Variants in TCF20 observed in about 807,000 individuals in gnomAD.
TCF20 encodes the protein SPRE-binding protein.
TCF20 carries 3 observed loss-of-function variants against 148.6 expected under a neutral mutation model. The ratio of observed to expected loss-of-function variants is 0.02; its 90% CI spans 0.01 to 0.05. TCF20 has a LOEUF of 0.05. Among genes scored for constraint, TCF20 ranks in the 10% least tolerant of loss-of-function variants. The pLI is 1.00. For synonymous variants in TCF20, 1,049 were observed against 909.5 expected, an observed-to-expected ratio of 1.15 and a Z score of -2.76; for missense variants, 2,350 against 2,429.3, an observed-to-expected ratio of 0.97 and a Z score of 0.69.
chr22:42,202,118 A>AT (rs1243437935), intron 2 of TCF20, among the ~76,000 whole-genome samples: 6 of 152,350 alleles, frequency 3.9e-5, no homozygotes, highest in Admixed American at 3.3e-4. Context: ...TTTCAAAGAG[A>AT]TTAAGTTCTG....
At chr22:42,163,543 A>G (rs1935591333) in intron 5 of TCF20, among the ~76,000 whole-genome samples, 1 of 152,260 alleles carries the variant, frequency 6.6e-6, no homozygotes, top group South Asian at 2.1e-4. Flanking sequence ...ATTATATCAC[A>G]GTAACGTGGA....
rs141303229 is a variant in TCF20, at chr22:42,243,420, C to T, written c.-37+26919G>A. Among the ~76,000 whole-genome samples, 801 of 150,132 alleles carry T rather than the reference C, an allele frequency of 5.3e-3. 11 individuals carry two copies. The highest frequency in any genetic ancestry group is 0.019 in the African/African-American group (768 of 40,892). On this transcript the variant is annotated intron_variant, in intron 1 of 5. Transcript: ENST00000677622. ...AAATTTGAGACCAGCCTGGCCAACACGGTGAAACCCTGTCTCTACTAAAAA... is the reference window on the plus strand; with the variant it reads ...AAATTTGAGACCAGCCTGGCCAACATGGTGAAACCCTGTCTCTACTAAAAA...
chr22:42,311,617 A>T (rs558766201), intron 1 of TCF20, among the ~76,000 whole-genome samples: 2 of 152,310 alleles, frequency 1.3e-5, no homozygotes, highest in African/African-American at 4.8e-5. Context: ...GACGGGAATC[A>T]TGCAGACCCC....
At chr22:42,204,614 G>A (rs1383480651) in intron 2 of TCF20, among the ~76,000 whole-genome samples, 1 of 152,212 alleles carries the variant, frequency 6.6e-6, no homozygotes, top group Non-Finnish European at 1.5e-5. Flanking sequence ...GGTGGCTGAG[G>A]CAGGTGGATC....
rs151127678 is a variant in TCF20 at position 42,171,671 on chromosome 22, G to A, written c.5750-1775C>T. On this transcript the variant is annotated intron_variant, in intron 3 of 5. Transcript: ENST00000677622. ...AGTACATAGTGTGACCAAGACTCCCGCTGCTCCAATCTGCCAGAGAGTTTA... is the reference window on the plus strand; with the variant it reads ...AGTACATAGTGTGACCAAGACTCCCACTGCTCCAATCTGCCAGAGAGTTTA... Among the ~76,000 whole-genome samples the A allele has an allele frequency of 2.0e-3, 297 of 152,296 alleles. 3 individuals carry two copies. The highest frequency in any genetic ancestry group is 3.4e-3 in the Middle Eastern group (1 of 294).
chr22:42,327,053 C>A (rs947297678), intron 1 of TCF20, among the ~76,000 whole-genome samples: 1 of 152,202 alleles, frequency 6.6e-6, no homozygotes, highest in East Asian at 1.9e-4. Context: ...GTGTGCCAGG[C>A]ACTTCTCCAA....
At chr22:42,303,076 C>T (rs1414095976) in intron 1 of TCF20, among the ~76,000 whole-genome samples, 1 of 152,236 alleles carries the variant, frequency 6.6e-6, no homozygotes, top group African/African-American at 2.4e-5. Context: ...ATTACGGGTG[C>T]CCAACACAAC....
intron 1 of TCF20, among the ~76,000 whole-genome samples, chr22:42,325,003 G>A (rs1239918652): frequency 6.6e-6 from 1 of 152,252 alleles, no homozygotes; most frequent in African/African-American, 2.4e-5. Flanking sequence ...TGGTGCCTGA[G>A]AGTGCAGACC....
intron 2 of TCF20, among the ~76,000 whole-genome samples, chr22:42,197,669 A>AC (rs1937672993): frequency 6.6e-6 from 1 of 152,186 alleles, no homozygotes; most frequent in Non-Finnish European, 1.5e-5. Context: ...ATTTAGGGGC[A>AC]CCCCTGAAGA....
At chr22:42,223,364 T>G (rs1468097574) in intron 1 of TCF20, among the ~76,000 whole-genome samples, 1 of 152,176 alleles carries the variant, frequency 6.6e-6, no homozygotes, top group Non-Finnish European at 1.5e-5. Flanking sequence ...ACCCTTTCTT[T>G]CACTGTACCA....
intron 1 of TCF20, among the ~76,000 whole-genome samples, chr22:42,326,786 C>T (rs577355611): frequency 1.3e-5 from 2 of 152,368 alleles, no homozygotes; most frequent in South Asian, 4.1e-4. Context: ...ACCAGAGCAG[C>T]ATCAACCTTG....
intron 1 of TCF20, among the ~76,000 whole-genome samples, chr22:42,330,913 G>C (rs1405085174): frequency 6.6e-6 from 1 of 152,174 alleles, no homozygotes; most frequent in Non-Finnish European, 1.5e-5. Flanking sequence ...CTGGTCTAAG[G>C]CTCTGCCAAG....
In TCF20 at chr22:42,184,417, T is replaced by C. The variant is rs772846704; in HGVS notation, c.5656-4715A>G. ...GCCAAAGATAGAATATAAATACTTA[T>C]CTATAGTATCTTCCATGTGTAAGGT... On this transcript the variant is annotated intron_variant, in intron 2 of 5. Transcript: ENST00000677622. Among the ~76,000 whole-genome samples, 8 of 152,192 alleles carry C rather than the reference T, an allele frequency of 5.3e-5. No individual in the cohort carries two copies. In the East Asian group the frequency reaches 1.2e-3, roughly 22 times the overall value.
rs58249230 is a variant in TCF20, at chr22:42,247,439, C to CAA, written c.-37+22898_-37+22899dup. Among the ~76,000 whole-genome samples the CAA allele has an allele frequency of 8.0e-3, 702 of 87,218 alleles. 14 individuals carry two copies. In the East Asian group the frequency reaches 0.11, roughly 13 times the overall value. 57.2% of individuals were successfully genotyped at this position (87,218 alleles called of 152,430 possible). On this transcript the variant is annotated intron_variant, in intron 1 of 5. Coordinates refer to ENST00000677622, the MANE Select transcript of TCF20 (RefSeq NM_001378418.1). ...TGGGTGATAGAGCGAGACTCCATCT[C>CAA]AAAAAAAAAAAAAAAAAAGATAAGA...
At chr22:42,183,599 C>A (rs1327350133) in intron 2 of TCF20, among the ~76,000 whole-genome samples, 1 of 152,128 alleles carries the variant, frequency 6.6e-6, no homozygotes, top group East Asian at 1.9e-4. Flanking sequence ...TTTTCCAAAG[C>A]CCAGCCCACA....
Position 42,212,602 on chromosome 22 carries a change from G to T in TCF20, c.2704C>A (p.Pro902Thr). 1.9e-6 allele frequency: 3 copies of T among 1,614,190 alleles called. No individual in the cohort carries two copies. The South Asian group carries it at 3.3e-5, about 18-fold the overall frequency. ...TRIGRNDRLN[P>T]TLSQSVILPG... is the part of the protein sequence containing the mutation. Reference sequence around the variant, plus strand: ...AGAATGACCGACTGACTTAAAGTTGGATTGAGACGGTCATTCCTCCCAATT... The same window carrying T: ...AGAATGACCGACTGACTTAAAGTTGTATTGAGACGGTCATTCCTCCCAATT... Residue 902 changes from proline (P) to threonine (T), a missense_variant, in exon 2 of 6, where the codon CCA (proline) becomes ACA (threonine). Around this residue, in one of 7 missense-constraint regions of TCF20, gnomAD observed 1,641 missense variants for 1,662.6 expected, o/e 0.99. Transcript: ENST00000677622.
At chr22:42,241,763 G>A (rs1329743691) in intron 1 of TCF20, among the ~76,000 whole-genome samples, 2 of 152,048 alleles carry the variant, frequency 1.3e-5, no homozygotes, top group Non-Finnish European at 2.9e-5. Context: ...GGAGGCAGAG[G>A]GTGCAGTGAG....
upstream of TCF20, chr22:42,274,670 T>A (rs1926732655): frequency 6.6e-6 from 1 of 152,208 alleles, no homozygotes; most frequent in African/African-American, 2.4e-5. Context: ...CCACAGAAAC[T>A]TCTGCTCTCC....
At chr22:42,235,565 A>C (rs1319144866) in intron 1 of TCF20, among the ~76,000 whole-genome samples, 4 of 152,274 alleles carry the variant, frequency 2.6e-5, no homozygotes, top group African/African-American at 9.6e-5. Context: ...GTGAACAAAA[A>C]ATACAATTTT....
Sources: gnomAD v4.1 joint callset for allele counts (sites outside exome capture counted in the v4.1 genomes callset) on GRCh38, gnomAD v4.1.1 for gene constraint, gnomAD v4.1.1 regional missense constraint, MANE v1.5 for transcripts, NCBI Gene and HGNC (gene_info 2026-07-23, HGNC 2026-07-21) for gene names.